The following DAB1 variants were observed in gnomAD, a reference collection of about 807,000 sequenced individuals.
DAB1 encodes disabled homolog 1.
In DAB1, 15 loss-of-function variants were observed where a neutral mutation model predicts 64.6. The ratio of observed to expected loss-of-function variants is 0.23; its 90% CI spans 0.16 to 0.36. The LOEUF (loss-of-function observed/expected upper bound fraction) is 0.36. Ranked by LOEUF, DAB1 falls within the 10% of genes least tolerant of loss-of-function variation. The pLI is 1.00. For synonymous variants in DAB1, 235 were observed against 251.9 expected (o/e 0.93, Z 0.64); for missense variants, 596 against 706.7 (o/e 0.84, Z 1.78).
At chr1:57,537,924 G>T (rs751583582) in intron 7 of DAB1, among the ~76,000 whole-genome samples, 12 of 152,128 alleles carry the variant, frequency 7.9e-5, no homozygotes, top group African/African-American at 2.7e-4. Context: ...CAGAGATCAC[G>T]TGGTGGGAGA....
chr1:57,638,021 C>G (rs769120392), intron 7 of DAB1, among the ~76,000 whole-genome samples: 2 of 152,054 alleles, frequency 1.3e-5, no homozygotes, highest in Non-Finnish European at 2.9e-5. Context: ...GTAAAACCAA[C>G]TAAGCTTTAT....
intron 2 of DAB1, among the ~76,000 whole-genome samples, chr1:57,222,693 A>G (rs746960123): frequency 6.6e-6 from 1 of 152,184 alleles, no homozygotes; most frequent in Non-Finnish European, 1.5e-5. Context: ...CTGTCTTTCT[A>G]TAGACTCACA....
intron 2 of DAB1, among the ~76,000 whole-genome samples, chr1:57,163,109 G>A (rs1197890449): frequency 2.0e-5 from 3 of 152,188 alleles, no homozygotes; most frequent in Admixed American, 2.0e-4. Flanking sequence ...CAAGTCCCAG[G>A]GCACAGTCAT....
intron 6 of DAB1, among the ~76,000 whole-genome samples, chr1:57,718,949 C>T (rs1407594516): frequency 6.6e-6 from 1 of 151,562 alleles, no homozygotes; most frequent in Non-Finnish European, 1.5e-5. Context: ...ATTATTCCAG[C>T]TCACCAGTAA....
At chr1:57,845,084 G>T (rs1653220959) in intron 1 of DAB1, among the ~76,000 whole-genome samples, 1 of 152,142 alleles carries the variant, frequency 6.6e-6, no homozygotes, top group South Asian at 2.1e-4. Flanking sequence ...CCCATAGATA[G>T]CATCAGGCAA....
intron 4 of DAB1, among the ~76,000 whole-genome samples, chr1:57,107,738 C>T (rs377166147): frequency 6.6e-6 from 1 of 152,124 alleles, no homozygotes; most frequent in South Asian, 2.1e-4. Context: ...TTACAAGATT[C>T]CTTTGTAAGA....
At chr1:57,481,626 G>T (rs925633111) in intron 7 of DAB1, among the ~76,000 whole-genome samples, 2 of 152,076 alleles carry the variant, frequency 1.3e-5, no homozygotes, top group Non-Finnish European at 2.9e-5. Context: ...AGATCAGCCT[G>T]GCCAACATGG....
At chr1:57,916,254 G>A (rs1644725475) in intron 5 of DAB1, among the ~76,000 whole-genome samples, 1 of 152,144 alleles carries the variant, frequency 6.6e-6, no homozygotes, top group Admixed American at 6.5e-5. Flanking sequence ...GTCAGCAGTG[G>A]CCAGCCCTCC....
intron 6 of DAB1, among the ~76,000 whole-genome samples, chr1:57,704,463 T>C (rs1646942278): frequency 6.6e-6 from 1 of 152,210 alleles, no homozygotes; most frequent in African/African-American, 2.4e-5. Flanking sequence ...TCAGTTTTAA[T>C]AATGGTTTAT....
chr1:57,873,915 G>C (rs1452622634), intron 1 of DAB1: 1 of 152,084 alleles, frequency 6.6e-6, no homozygotes, highest in East Asian at 1.9e-4. Flanking sequence ...GAACACTCTA[G>C]AGTCCTATCA....
Position 57,212,359 on chromosome 1 carries a change from CTTTT to C in DAB1, c.68-66934_68-66931del, listed in dbSNP as rs57653531. 1.0e-2 allele frequency among the ~76,000 whole-genome samples: 818 copies of C among 82,122 alleles called. 8 individuals carry two copies. The highest frequency in any genetic ancestry group is 0.071 in the East Asian group (205 of 2,868). The allele number at this position is 82,122 out of a possible 152,430, so 53.9% of individuals were successfully genotyped here. On this transcript the variant is annotated intron_variant, in intron 2 of 14. Transcript: ENST00000371236. ...TAATATTACATGTATATATTATTTC[CTTTT>C]TTTTTTTTTTTTTTTTTTTTTTGAC...
intron 3 of DAB1, among the ~76,000 whole-genome samples, chr1:58,377,612 A>T (rs1644341365): frequency 7.3e-6 from 1 of 137,346 alleles, no homozygotes; most frequent in Non-Finnish European, 1.6e-5. Context: ...TGCCCTTAAC[A>T]TTTTTTCCTT....
intron 4 of DAB1, among the ~76,000 whole-genome samples, chr1:57,090,459 G>A (rs557521894): frequency 6.6e-6 from 1 of 152,140 alleles, no homozygotes; most frequent in South Asian, 2.1e-4. Context: ...CAGCCAGTTG[G>A]GGGAGAGGGA....
intron 3 of DAB1, among the ~76,000 whole-genome samples, chr1:58,422,848 G>T (rs1337558514): frequency 6.6e-6 from 1 of 152,050 alleles, no homozygotes; most frequent in Non-Finnish European, 1.5e-5. Context: ...CTGCAACTAT[G>T]GTTTCCAGCA....
intron 5 of DAB1, among the ~76,000 whole-genome samples, chr1:58,127,272 T>G (rs1157911703): frequency 1.3e-5 from 2 of 152,256 alleles, no homozygotes; most frequent in Non-Finnish European, 2.9e-5. Flanking sequence ...GAGAAGTGTC[T>G]GTTCATGTTC....
chr1:57,817,060 G>A (rs996040222), intron 6 of DAB1, among the ~76,000 whole-genome samples: 1 of 152,106 alleles, frequency 6.6e-6, no homozygotes, highest in African/African-American at 2.4e-5. Flanking sequence ...TTTCTCTCTA[G>A]TCATCATATA....
chr1:57,137,642 T>G (rs1658244942), intron 3 of DAB1, among the ~76,000 whole-genome samples: 1 of 152,166 alleles, frequency 6.6e-6, no homozygotes. Flanking sequence ...TGGCAGAGGC[T>G]CATTACTGCC....
chr1:57,625,427 A>G (rs1197396388), intron 7 of DAB1, among the ~76,000 whole-genome samples: 1 of 152,142 alleles, frequency 6.6e-6, no homozygotes, highest in Non-Finnish European at 1.5e-5. Flanking sequence ...GGATAAAAAG[A>G]AGGCCATGGC....
chr1:57,068,054 C>T (rs1421796377), intron 8 of DAB1, among the ~76,000 whole-genome samples: 2 of 151,728 alleles, frequency 1.3e-5, no homozygotes, highest in African/African-American at 4.8e-5. Context: ...TCCCTCCCCA[C>T]CCCGCCCCCA....
Sources: gnomAD v4.1 joint callset for allele counts (sites outside exome capture counted in the v4.1 genomes callset) on GRCh38, gnomAD v4.1.1 for gene constraint, MANE v1.5 for transcripts, NCBI Gene and HGNC (gene_info 2026-07-23, HGNC 2026-07-21) for gene names.